The following EXD3 variants were observed in gnomAD, a reference collection of about 807,000 sequenced individuals.
EXD3 encodes the protein exonuclease 3'-5' domain containing 3.
EXD3 carries 92 observed loss-of-function variants against 98.0 expected under a neutral mutation model. That is an observed-to-expected ratio of 0.94 (90% CI 0.79 to 1.12). The LOEUF is 1.12. EXD3 is among the 50% of genes most tolerant of loss of function. EXD3 has a pLI of 0.00. For missense variants in EXD3, 1,222 were observed against 1,191.6 expected (o/e 1.03, Z -0.38); for synonymous variants, 569 against 526.0 (o/e 1.08, Z -1.12).
Position 137,307,007 on chromosome 9 carries a change from G to A in EXD3, c.2574C>T (p.Ser858=), listed in dbSNP as rs374732855. Residue 858 remains serine, a synonymous_variant, in exon 22 of 22, where the codon AGC becomes AGT. Transcript: ENST00000340951. The part of the protein sequence containing the change: ...VATHFRDMLE[S]APSPCEPSPA... The stretch of plus-strand genomic sequence containing the variant: ...GGCTCGGCTCGCAGGGGCTGGGGGC[G>A]CTCTCCAGCATGTCTCGGAAGTGGG... 200 of 1,610,934 alleles carry A rather than the reference G, an allele frequency of 1.2e-4. No homozygotes were observed. The highest frequency in any genetic ancestry group is 1.6e-4 in the Non-Finnish European group (191 of 1,178,916).
At chr9:137,327,732 C>G (rs1419109798) in intron 17 of EXD3, among the ~76,000 whole-genome samples, 2 of 150,774 alleles carry the variant, frequency 1.3e-5, no homozygotes, top group African/African-American at 4.9e-5. Flanking sequence ...AAATATACAC[C>G]CACATGATGA....
intron 2 of EXD3, chr9:137,392,734 G>C (rs928866332): frequency 1.4e-5 from 5 of 362,570 alleles, no homozygotes; most frequent in Admixed American, 1.1e-4. Context: ...GGAGCACCAG[G>C]CTGTTCCAGG....
intron 17 of EXD3, among the ~76,000 whole-genome samples, chr9:137,342,297 G>C (rs1471425655): frequency 8.2e-6 from 1 of 121,446 alleles, no homozygotes; most frequent in Non-Finnish European, 1.7e-5. Context: ...CCGTCTCCCA[G>C]GGGAGTCAGA....
At chr9:137,392,450 G>A (rs1028159299) in intron 2 of EXD3, 19 of 171,910 alleles carry the variant, frequency 1.1e-4, no homozygotes, top group Non-Finnish European at 2.3e-4. Flanking sequence ...AGGGTGGCAC[G>A]GACAGGTGTC....
Position 137,382,684 on chromosome 9 carries a change from G to A in EXD3, c.120+629C>T, listed in dbSNP as rs375452769. Among the ~76,000 whole-genome samples the A allele has an allele frequency of 1.7e-3, 258 of 152,264 alleles. 5 individuals are homozygous for A. In the East Asian group the frequency reaches 0.04, roughly 23 times the overall value. ...CCCGGGCCTGCAGGGGTGACCTCAG[G>A]CCAGTGGATGTGGCACTCAGAGGAG... is the stretch of plus-strand genomic sequence containing the variant. On this transcript the variant is annotated intron_variant, in intron 3 of 21. Transcript: ENST00000340951.
intron 17 of EXD3, among the ~76,000 whole-genome samples, chr9:137,338,105 A>G (rs1833456527): frequency 1.3e-5 from 2 of 152,178 alleles, no homozygotes; most frequent in South Asian, 4.1e-4. Context: ...GTATCCTTTT[A>G]CAGTCCATGT....
At chr9:137,339,746 G>A (rs1457997144) in intron 17 of EXD3, among the ~76,000 whole-genome samples, 1 of 152,124 alleles carries the variant, frequency 6.6e-6, no homozygotes, top group Non-Finnish European at 1.5e-5. Context: ...AGCAAATGTG[G>A]AATCATGGAA....
At chr9:137,351,244 G>T in intron 13 of EXD3, 74 bp downstream of exon 13, 1 of 1,542,080 alleles carries the variant, frequency 6.5e-7, no homozygotes, top group Non-Finnish European at 8.8e-7. Flanking sequence ...CGGGGCACAC[G>T]GAGGGAAGGG....
At chr9:137,318,329 C>T (rs961750850) in intron 19 of EXD3, among the ~76,000 whole-genome samples, 2 of 152,156 alleles carry the variant, frequency 1.3e-5, no homozygotes, top group Non-Finnish European at 2.9e-5. Context: ...CGGCACCCCC[C>T]CTCGTCCCCC....
chr9:137,339,221 C>T (rs983394120), intron 17 of EXD3, among the ~76,000 whole-genome samples: 1 of 151,894 alleles, frequency 6.6e-6, no homozygotes, highest in Non-Finnish European at 1.5e-5. Context: ...AGGAAGTGAG[C>T]CAGTTTCAGG....
intron 1 of EXD3, among the ~76,000 whole-genome samples, chr9:137,401,238 C>G (rs1475287528): frequency 6.7e-6 from 1 of 149,918 alleles, no homozygotes; most frequent in Non-Finnish European, 1.5e-5. Flanking sequence ...ACTGCAAGCT[C>G]CACCTCCCGG....
At chr9:137,399,771 C>T (rs1564209620) in intron 1 of EXD3, among the ~76,000 whole-genome samples, 1 of 152,198 alleles carries the variant, frequency 6.6e-6, no homozygotes, top group Non-Finnish European at 1.5e-5. Context: ...GGTACAGTGG[C>T]TCACTCCTGT....
At chr9:137,326,946 G>A (rs1018879134) in intron 17 of EXD3, among the ~76,000 whole-genome samples, 33 of 151,882 alleles carry the variant, frequency 2.2e-4, no homozygotes, top group African/African-American at 6.0e-4. Flanking sequence ...AGGACGTTCC[G>A]ACACAGGCTA....
At chr9:137,352,842 C>T in intron 10 of EXD3, 56 bp from the exon 11 acceptor site, 2 of 1,531,028 alleles carry the variant, frequency 1.3e-6, no homozygotes, top group East Asian at 2.4e-5. Context: ...GCCACAGGGC[C>T]CTGCCCCGAG....
In EXD3 at chr9:137,349,096, G is replaced by A. The variant is rs946699369; in HGVS notation, c.1830+14C>T. ...AAGAATGCTGACAAACGGACCCTGC[G>A]GGGCTTCACCCACCTGCCTGGGTGC... On this transcript the variant is annotated intron_variant, in intron 16 of 21. Coordinates refer to ENST00000340951, the MANE Select transcript of EXD3 (RefSeq NM_017820.5). This position sits in a 1 kb window ranked among gnomAD's most constrained non-coding sequence, Gnocchi z 7.4. The A allele has an allele frequency of 4.4e-6, 7 of 1,585,644 alleles. No individual in the cohort carries two copies. Among genetic ancestry groups the A allele is most frequent in the East Asian group, 4.5e-5 (2 of 44,644 alleles).
chr9:137,394,186 CCAGCCT>C (rs1236932594), intron 2 of EXD3, among the ~76,000 whole-genome samples: 2 of 91,598 alleles, frequency 2.2e-5, no homozygotes, highest in Non-Finnish European at 5.0e-5. Flanking sequence ...TTCCCTAACC[CCAGCCT>C]CCCAGCCTCC....
In EXD3 at chr9:137,420,747, C is replaced by A. The variant is rs562090714; in HGVS notation, c.-48+2367G>T. Among the ~76,000 whole-genome samples the A allele has an allele frequency of 1.9e-3, 286 of 147,534 alleles. 12 individuals carry two copies. Among genetic ancestry groups the A allele is most frequent in the Non-Finnish European group, 3.4e-3 (224 of 66,004 alleles). On this transcript the variant is annotated intron_variant, in intron 1 of 21. Transcript: ENST00000340951. ...GGAGGACAGACATTCACCCCCCCCC[C>A]CAAATTCATACAGGTATTATACATA...
intron 1 of EXD3, among the ~76,000 whole-genome samples, chr9:137,401,796 G>T (rs1837493888): frequency 6.6e-6 from 1 of 152,188 alleles, no homozygotes. Flanking sequence ...TTCCTCCCGG[G>T]CCTCCAGGCC....
At chr9:137,374,901 G>A in intron 3 of EXD3, 1 of 969,934 alleles carries the variant, frequency 1.0e-6, no homozygotes, top group Non-Finnish European at 1.2e-6. Context: ...TGGCCCTAGT[G>A]AGATCTAGCT....
Sources: gnomAD v4.1 joint callset for allele counts (sites outside exome capture counted in the v4.1 genomes callset) on GRCh38, gnomAD v4.1.1 for gene constraint, Gnocchi (gnomAD v3.1) non-coding constraint, MANE v1.5 for transcripts, NCBI Gene and HGNC (gene_info 2026-07-23, HGNC 2026-07-21) for gene names.